Variants in ZNF385D observed in about 807,000 individuals in gnomAD.
ZNF385D encodes zinc finger protein 659.
In ZNF385D, 15 loss-of-function variants were observed where a neutral mutation model predicts 35.8. The ratio of observed to expected loss-of-function variants is 0.42; its 90% confidence interval spans 0.28 to 0.64. ZNF385D has a LOEUF of 0.64. Among genes scored for constraint, ZNF385D ranks in the 30% least tolerant of loss-of-function variants. ZNF385D has a pLI of 0.23. For synonymous variants in ZNF385D, 212 were observed against 186.8 expected (o/e 1.13, Z -1.10); for missense variants, 474 against 494.6 (o/e 0.96, Z 0.39).
chr3:22,111,919 G>T (rs577934500), intron 3 of ZNF385D, among the ~76,000 whole-genome samples: 1 of 152,184 alleles, frequency 6.6e-6, no homozygotes, highest in East Asian at 1.9e-4. Flanking sequence ...AATACATTCA[G>T]TTCCAGTGCT....
chr3:21,841,790 G>A (rs1280231864), intron 3 of ZNF385D, among the ~76,000 whole-genome samples: 3 of 151,646 alleles, frequency 2.0e-5, no homozygotes, highest in African/African-American at 7.3e-5. Flanking sequence ...AATTTTTGAT[G>A]TATTTTGTTA....
chr3:21,903,661 C>T (rs747262448), intron 3 of ZNF385D, among the ~76,000 whole-genome samples: 3 of 152,088 alleles, frequency 2.0e-5, no homozygotes, highest in African/African-American at 2.4e-5. Flanking sequence ...TTACAGAAAT[C>T]GTATCTCAAT....
chr3:21,967,929 T>A (rs1000534972), intron 3 of ZNF385D, among the ~76,000 whole-genome samples: 1 of 152,220 alleles, frequency 6.6e-6, no homozygotes, highest in Admixed American at 6.5e-5. Context: ...AATCACAGTA[T>A]CTGTTCTTAA....
intron 3 of ZNF385D, among the ~76,000 whole-genome samples, chr3:21,767,450 TTC>T (rs1245993272): frequency 6.6e-6 from 1 of 152,084 alleles, no homozygotes; most frequent in Non-Finnish European, 1.5e-5. Flanking sequence ...TTTTACATGC[TTC>T]CTTAGCACAC....
chr3:22,281,400 G>A (rs751745054), intron 2 of ZNF385D, among the ~76,000 whole-genome samples: 6 of 152,050 alleles, frequency 3.9e-5, no homozygotes, highest in Non-Finnish European at 8.8e-5. Flanking sequence ...ATTACCCTAA[G>A]ATATGTCCCT....
At chr3:21,784,591 T>C (rs2071614009) in intron 3 of ZNF385D, among the ~76,000 whole-genome samples, 1 of 152,070 alleles carries the variant, frequency 6.6e-6, no homozygotes, top group East Asian at 1.9e-4. Context: ...GGACACAAAA[T>C]TTAGAGGGCA....
chr3:21,802,589 T>G (rs1251521772), intron 3 of ZNF385D, among the ~76,000 whole-genome samples: 1 of 152,136 alleles, frequency 6.6e-6, no homozygotes, highest in Non-Finnish European at 1.5e-5. Context: ...AAACTATATG[T>G]GCATATGTGG....
At chr3:22,118,065 T>A (rs1702899119) in intron 3 of ZNF385D, among the ~76,000 whole-genome samples, 1 of 152,094 alleles carries the variant, frequency 6.6e-6, no homozygotes, top group Admixed American at 6.6e-5. Flanking sequence ...TAAGTATTTT[T>A]ATGCAGAATA....
At chr3:22,045,656 A>G (rs181487446) in intron 3 of ZNF385D, among the ~76,000 whole-genome samples, 21 of 152,248 alleles carry the variant, frequency 1.4e-4, no homozygotes, top group African/African-American at 4.3e-4. Context: ...TAAAGGTGGT[A>G]TTTTAAAAAT....
At chr3:21,994,706 C>T (rs1480957819) in intron 3 of ZNF385D, among the ~76,000 whole-genome samples, 1 of 152,192 alleles carries the variant, frequency 6.6e-6, no homozygotes, top group Non-Finnish European at 1.5e-5. Flanking sequence ...AGACTTCTTA[C>T]TATAGATGTA....
intron 2 of ZNF385D, among the ~76,000 whole-genome samples, chr3:22,185,106 A>C (rs903183556): frequency 6.6e-6 from 1 of 152,170 alleles, no homozygotes; most frequent in Non-Finnish European, 1.5e-5. Flanking sequence ...TCTATAATCT[A>C]CCAATGAGAG....
At chr3:21,792,236 T>C (rs1050521710) in intron 3 of ZNF385D, among the ~76,000 whole-genome samples, 1 of 152,184 alleles carries the variant, frequency 6.6e-6, no homozygotes, top group Non-Finnish European at 1.5e-5. Context: ...TAATATTCAA[T>C]GACAAAGACA....
chr3:21,513,420 A>G (rs1315146991), intron 3 of ZNF385D, among the ~76,000 whole-genome samples: 1 of 152,168 alleles, frequency 6.6e-6, no homozygotes, highest in Admixed American at 6.5e-5. Flanking sequence ...ATAAGACAAA[A>G]TGAAATGCAT....
chr3:21,922,783 C>T (rs259516), intron 3 of ZNF385D, among the ~76,000 whole-genome samples: 9,584 of 152,170 alleles, frequency 0.063, 482 homozygotes, highest in African/African-American at 0.13. Flanking sequence ...CAAAAATTGA[C>T]AAGTGAGACC....
chr3:21,496,736 G>C (rs1414865931), intron 4 of ZNF385D, among the ~76,000 whole-genome samples: 1 of 151,692 alleles, frequency 6.6e-6, no homozygotes, highest in Non-Finnish European at 1.5e-5. Context: ...GAAGTACAGG[G>C]TTGGTTCAAC....
rs1700660037 is a variant in ZNF385D, at chr3:21,419,766, A to G, written c.*1448T>C. The G allele has an allele frequency of 6.6e-6, 1 of 152,146 alleles. No homozygotes were observed. Among genetic ancestry groups the G allele is most frequent in the African/African-American group, 2.4e-5 (1 of 41,452 alleles). 9.4% of individuals were successfully genotyped at this position (152,146 alleles called of 1,614,324 possible). On this transcript the variant is annotated 3_prime_UTR_variant, in exon 8 of 8. Transcript: ENST00000281523. ...TATGCCATTTGTTACCAATTTAATG[A>G]TAACATGTAACACTGGATGGTTATA...
intron 3 of ZNF385D, among the ~76,000 whole-genome samples, chr3:21,951,457 C>G (rs501056): frequency 0.26 from 39,642 of 151,114 alleles, 6,213 homozygotes; most frequent in Admixed American, 0.41. Context: ...CTGAGACGAT[C>G]GGGTATTCTA....
At chr3:22,332,873 A>G (rs1330776902) in intron 2 of ZNF385D, among the ~76,000 whole-genome samples, 3 of 152,020 alleles carry the variant, frequency 2.0e-5, no homozygotes, top group Non-Finnish European at 4.4e-5. Context: ...TATTATATTT[A>G]TAAACATGTA....
At chr3:22,270,919 A>C (rs1701144129) in intron 2 of ZNF385D, among the ~76,000 whole-genome samples, 1 of 152,020 alleles carries the variant, frequency 6.6e-6, no homozygotes, top group Non-Finnish European at 1.5e-5. Flanking sequence ...TACTGTGTTC[A>C]TGTGGACCCA....
Sources: gnomAD v4.1 joint callset for allele counts (sites outside exome capture counted in the v4.1 genomes callset) on GRCh38, gnomAD v4.1.1 for gene constraint, MANE v1.5 for transcripts, NCBI Gene and HGNC (gene_info 2026-07-23, HGNC 2026-07-21) for gene names.